YAF2: variants seen among roughly 807,000 people sequenced by gnomAD.
YAF2 encodes YY1-associated factor 2.
In YAF2, 7 loss-of-function variants were observed where a neutral mutation model predicts 20.1. That is an observed-to-expected ratio of 0.35 (90% CI 0.20 to 0.65). The LOEUF (loss-of-function observed/expected upper bound fraction) is 0.65. Ranked by LOEUF, YAF2 falls within the 30% of genes least tolerant of loss-of-function variation. YAF2 has a pLI of 0.69. For synonymous variants in YAF2, 74 were observed against 76.0 expected (o/e 0.97, Z 0.14); for missense variants, 151 against 219.2 (o/e 0.69, Z 1.96).
At chr12:42,235,717 T>G in intron 2 of YAF2, 1 of 1,533,994 alleles carries the variant, frequency 6.5e-7, no homozygotes, top group South Asian at 1.2e-5. Flanking sequence ...AAGTAATGTT[T>G]CCACCACTAA....
intron 2 of YAF2, among the ~76,000 whole-genome samples, chr12:42,178,986 G>C (rs769471838): frequency 3.3e-5 from 5 of 152,130 alleles, no homozygotes; most frequent in Admixed American, 6.6e-5. Flanking sequence ...CCAGGAGTTT[G>C]AGGTTATAAT....
Position 42,175,740 on chromosome 12 carries a change from C to CAAAAAAAAAAAAAAAAA in YAF2, c.153-13992_153-13976dup, listed in dbSNP as rs59476115. Among the ~76,000 whole-genome samples the CAAAAAAAAAAAAAAAAA allele has an allele frequency of 1.8e-4, 8 of 45,006 alleles. 1 individual carries two copies. Among genetic ancestry groups the CAAAAAAAAAAAAAAAAA allele is most frequent in the Non-Finnish European group, 3.0e-4 (7 of 23,718 alleles). The allele number at this position is 45,006 out of a possible 152,430, so 29.5% of individuals were successfully genotyped here. On this transcript the variant is annotated intron_variant, in intron 2 of 3. Coordinates refer to ENST00000534854, the MANE Select transcript of YAF2 (RefSeq NM_005748.6). ...CTGGCGACAGAGCAAGACTCTGTCT[C>CAAAAAAAAAAAAAAAAA]AAAAAAAAAAAAAAAAAAAAAAAAA...
intron 2 of YAF2, among the ~76,000 whole-genome samples, chr12:42,228,887 G>A (rs1420688729): frequency 8.9e-5 from 6 of 67,466 alleles, no homozygotes; most frequent in African/African-American, 1.3e-4. Context: ...CCCTCTGCCC[G>A]GCCACCACCC....
intron 2 of YAF2, among the ~76,000 whole-genome samples, chr12:42,162,574 GAAGT>G (rs2065822292): frequency 6.6e-6 from 1 of 152,178 alleles, no homozygotes; most frequent in Non-Finnish European, 1.5e-5. Flanking sequence ...AAGGAGGGAA[GAAGT>G]AAGATAAAAA....
intron 2 of YAF2, among the ~76,000 whole-genome samples, chr12:42,211,389 T>C (rs1365342908): frequency 7.8e-6 from 1 of 128,334 alleles, no homozygotes; most frequent in African/African-American, 3.1e-5. Context: ...ATCGTGCCAC[T>C]GAACTCCAGC....
rs1239255136 is a variant in YAF2 at position 42,194,369 on chromosome 12, C to A, written c.153-32604G>T. On this transcript the variant is annotated intron_variant, in intron 2 of 3. Transcript: ENST00000534854. ...GTAAAATAAATCTAAGCCGGCCAGGCAGGATGGCTCACGCCTGTAATCCTA... is the reference window on the plus strand; with the variant it reads ...GTAAAATAAATCTAAGCCGGCCAGGAAGGATGGCTCACGCCTGTAATCCTA... Among the ~76,000 whole-genome samples, 3 of 152,170 alleles carry A rather than the reference C, an allele frequency of 2.0e-5. No individual in the cohort carries two copies. In the East Asian group the frequency reaches 5.8e-4, roughly 29 times the overall value.
intron 2 of YAF2, among the ~76,000 whole-genome samples, chr12:42,186,749 A>G (rs1412062467): frequency 6.6e-6 from 1 of 152,226 alleles, no homozygotes; most frequent in Non-Finnish European, 1.5e-5. Flanking sequence ...GAAGCAGATT[A>G]GTATTAAATT....
rs2065773638 is a variant in YAF2 at position 42,160,415 on chromosome 12, G to A, written c.*174C>T. 1 of 589,172 alleles carries A rather than the reference G, an allele frequency of 1.7e-6. No homozygotes were observed. Among genetic ancestry groups the A allele is most frequent in the Non-Finnish European group, 3.0e-6 (1 of 338,666 alleles). 36.5% of individuals were successfully genotyped at this position (589,172 alleles called of 1,614,324 possible). A position where few individuals can be genotyped will look rare whatever the true frequency, so the allele number is the denominator to read the frequency against. On this transcript the variant is annotated 3_prime_UTR_variant, in exon 4 of 4. Transcript: ENST00000534854. ...AAAATGTTAAGTCTGGAAATGTTTGGTAGGCATCATTGCAATAAAATCTAA... is the reference window on the plus strand; with the variant it reads ...AAAATGTTAAGTCTGGAAATGTTTGATAGGCATCATTGCAATAAAATCTAA...
At chr12:42,172,085 T>G (rs1157149989) in intron 2 of YAF2, 1 of 152,256 alleles carries the variant, frequency 6.6e-6, no homozygotes, top group Non-Finnish European at 1.5e-5. Flanking sequence ...CTTTCTATAT[T>G]TGATTTAGTT....
chr12:42,165,762 C>G (rs898949107), intron 2 of YAF2, among the ~76,000 whole-genome samples: 2 of 143,794 alleles, frequency 1.4e-5, no homozygotes, highest in Non-Finnish European at 3.0e-5. Context: ...TGAGCTGCTG[C>G]GCCCGGCCAG....
chr12:42,192,375 G>A (rs2066636445), intron 2 of YAF2, among the ~76,000 whole-genome samples: 1 of 151,758 alleles, frequency 6.6e-6, no homozygotes, highest in Non-Finnish European at 1.5e-5. Context: ...TGGGCATGGT[G>A]GCACACACCT....
intron 2 of YAF2, among the ~76,000 whole-genome samples, chr12:42,175,387 T>C (rs972242330): frequency 4.6e-5 from 7 of 151,876 alleles, no homozygotes; most frequent in Non-Finnish European, 7.4e-5. Context: ...GAGGGAGGAA[T>C]TAAAAATGGG....
intron 2 of YAF2, among the ~76,000 whole-genome samples, chr12:42,168,748 C>T (rs1474566640): frequency 1.3e-5 from 2 of 152,120 alleles, no homozygotes; most frequent in Admixed American, 1.3e-4. Context: ...ACTATACAAA[C>T]TCTAGATCTA....
At chr12:42,225,214 TG>T (rs369535274) in intron 2 of YAF2, among the ~76,000 whole-genome samples, 1,619 of 152,330 alleles carry the variant, frequency 0.011, 26 homozygotes, top group African/African-American at 0.037. Flanking sequence ...TTGATGGGGT[TG>T]TTTTTTTTCT....
chr12:42,237,309 G>A (rs1217828177), intron 2 of YAF2: 9 of 766,042 alleles, frequency 1.2e-5, no homozygotes, highest in Non-Finnish European at 1.2e-5. Context: ...AGAATGGGGA[G>A]AGGGGCATTA....
At chr12:42,222,108 G>A (rs879624339) in intron 2 of YAF2, among the ~76,000 whole-genome samples, 9 of 152,208 alleles carry the variant, frequency 5.9e-5, no homozygotes, top group Non-Finnish European at 1.0e-4. Context: ...AAAAGGTACC[G>A]TCTTAACAAC....
chr12:42,211,730 G>A (rs559129594), intron 2 of YAF2, among the ~76,000 whole-genome samples: 7 of 145,406 alleles, frequency 4.8e-5, no homozygotes, highest in Non-Finnish European at 7.5e-5. Flanking sequence ...GGCAACAGAG[G>A]GAGACTCTGT....
chr12:42,205,453 G>A (rs1291027987), intron 2 of YAF2, among the ~76,000 whole-genome samples: 1 of 150,516 alleles, frequency 6.6e-6, no homozygotes, highest in East Asian at 2.0e-4. Context: ...TCAGCTCACT[G>A]CAACCTCCAC....
At chr12:42,170,689 C>T (rs1290031571) in intron 2 of YAF2, among the ~76,000 whole-genome samples, 1 of 152,062 alleles carries the variant, frequency 6.6e-6, no homozygotes, top group African/African-American at 2.4e-5. Flanking sequence ...CACACACACA[C>T]ACACAAATTA....
Sources: gnomAD v4.1 joint callset for allele counts (sites outside exome capture counted in the v4.1 genomes callset) on GRCh38, gnomAD v4.1.1 for gene constraint, MANE v1.5 for transcripts, NCBI Gene and HGNC (gene_info 2026-07-23, HGNC 2026-07-21) for gene names.